Variants in ADAM2 observed in about 807,000 individuals in gnomAD.
The protein encoded by ADAM2 is disintegrin and metalloproteinase domain-containing protein 2.
Under a neutral mutation model 99.3 loss-of-function variants are expected in ADAM2, and 101 were observed. That is an observed-to-expected ratio of 1.02 (90% confidence interval 0.87 to 1.20). ADAM2 has a LOEUF of 1.20. Among genes scored for constraint, ADAM2 ranks in the 50% most tolerant of loss-of-function variants. The pLI, the probability that ADAM2 is intolerant of heterozygous loss-of-function variation, is 0.00. For synonymous variants in ADAM2, 323 were observed against 287.6 expected, an observed-to-expected ratio of 1.12 and a Z score of -1.25; for missense variants, 948 against 878.7, an observed-to-expected ratio of 1.08 and a Z score of -1.00.
chr8:39,759,564 A>G (rs1802274244), intron 15 of ADAM2, among the ~76,000 whole-genome samples: 1 of 152,204 alleles, frequency 6.6e-6, no homozygotes, highest in Non-Finnish European at 1.5e-5. Context: ...TTTATTTTCA[A>G]GATAAACACA....
At chr8:39,755,536 G>C (rs1411163051) in intron 16 of ADAM2, among the ~76,000 whole-genome samples, 192 bp downstream of exon 16, 1 of 152,060 alleles carries the variant, frequency 6.6e-6, no homozygotes, top group Non-Finnish European at 1.5e-5. Flanking sequence ...TTAGCCGGGT[G>C]TGGTGGTACC....
At chr8:39,749,526 T>C (rs1823623777) in intron 17 of ADAM2, 76 bp from the exon 18 acceptor site, 4 of 1,531,262 alleles carry the variant, frequency 2.6e-6, no homozygotes, top group Non-Finnish European at 3.6e-6. Context: ...TATAAAATAA[T>C]ATGTAGGTCA....
At chr8:39,767,624 T>C (rs1285641640) in intron 12 of ADAM2, among the ~76,000 whole-genome samples, 1 of 152,166 alleles carries the variant, frequency 6.6e-6, no homozygotes, top group African/African-American at 2.4e-5. Context: ...AGTGACTACT[T>C]CTTATTAGAG....
intron 7 of ADAM2, among the ~76,000 whole-genome samples, chr8:39,794,652 T>C (rs1380399149): frequency 1.3e-5 from 2 of 152,072 alleles, no homozygotes; most frequent in East Asian, 3.9e-4. Flanking sequence ...CCCTATCCTG[T>C]TTTGTTCTGA....
Position 39,761,228 on chromosome 8 carries a change from C to T in ADAM2, c.1561G>A (p.Val521Ile), listed in dbSNP as rs549004556. Reference sequence around the variant, plus strand: ...TCACTTATACCACAGTTTCCAGATACATCAGTCTTTGAATTAAGGTGAGAA... The same window carrying T: ...TCACTTATACCACAGTTTCCAGATATATCAGTCTTTGAATTAAGGTGAGAA... ...CYSHLNSKTD[V>I]SGNCGISDSG... The change falls in exon 15 of 21, where the codon GTA becomes ATA. Residue 521 changes from valine to isoleucine, a missense_variant. By Grantham distance (29) the Val-to-Ile change is conservative. Coordinates refer to ENST00000265708, the MANE Select transcript of ADAM2 (RefSeq NM_001464.5). 1.0e-5 allele frequency: 16 copies of T among 1,605,108 alleles called. No homozygotes were observed. In the South Asian group the frequency reaches 1.6e-4, roughly 16 times the overall value.
chr8:39,746,396 T>C, intron 19 of ADAM2, 76 bp downstream of exon 19: 1 of 970,734 alleles, frequency 1.0e-6, no homozygotes, highest in Non-Finnish European at 1.5e-6. Flanking sequence ...TTATTACTCA[T>C]TACATCGACC....
chr8:39,770,065 C>G (rs1363121504), intron 11 of ADAM2, among the ~76,000 whole-genome samples: 2 of 151,240 alleles, frequency 1.3e-5, no homozygotes, highest in African/African-American at 4.9e-5. Flanking sequence ...TCTGCCTCAG[C>G]CTCCCAAGTA....
intron 6 of ADAM2, among the ~76,000 whole-genome samples, chr8:39,814,231 C>T (rs2129587381): frequency 6.6e-6 from 1 of 152,146 alleles, no homozygotes; most frequent in Non-Finnish European, 1.5e-5. Context: ...TTGTGGCTCA[C>T]ACCTGTAATC....
chr8:39,810,209 G>A (rs539964936), intron 6 of ADAM2, among the ~76,000 whole-genome samples: 73 of 152,314 alleles, frequency 4.8e-4, no homozygotes, highest in African/African-American at 1.7e-3. Context: ...TAATGGTAAA[G>A]TGATCAATTC....
At chr8:39,744,546 A>G (rs1823368893) in intron 20 of ADAM2, among the ~76,000 whole-genome samples, 1 of 152,010 alleles carries the variant, frequency 6.6e-6, no homozygotes, top group South Asian at 2.1e-4. Context: ...ATAAAACCAA[A>G]CACCGCATGT....
chr8:39,837,965 G>C (rs1805906872), intron 1 of ADAM2, among the ~76,000 whole-genome samples, 166 bp downstream of exon 1: 1 of 152,012 alleles, frequency 6.6e-6, no homozygotes, highest in South Asian at 2.1e-4. Context: ...CTTATTCTAC[G>C]TGGATTTTGG....
Position 39,817,665 on chromosome 8 carries a change from A to T in ADAM2, c.513+3337T>A, listed in dbSNP as rs1238519135. ...TCATATGTGATTTAAAACGTTTAAA[A>T]ACTTAGTAATATGTGCTTTAAAAGA... On this transcript the variant is annotated intron_variant, in intron 6 of 20. Coordinates refer to ENST00000265708, the MANE Select transcript of ADAM2 (RefSeq NM_001464.5). Among the ~76,000 whole-genome samples the T allele has an allele frequency of 3.3e-5, 5 of 152,236 alleles. No homozygotes were observed. The East Asian group carries it at 9.6e-4, about 29-fold the overall frequency.
chr8:39,768,710 A>G (rs927804041), intron 12 of ADAM2, among the ~76,000 whole-genome samples: 4 of 152,216 alleles, frequency 2.6e-5, no homozygotes, highest in African/African-American at 9.6e-5. Context: ...CTAGGGAAGT[A>G]TATACTCAAG....
Position 39,802,282 on chromosome 8 carries a change from T to A in ADAM2, c.570+7128A>T, listed in dbSNP as rs1223870862. ...GGCTGCCACACCACACTGCTCTTCC[T>A]TCTTTCCGTGGGTCATGCCAGCCTT... On this transcript the variant is annotated intron_variant, in intron 7 of 20. Coordinates refer to ENST00000265708, the MANE Select transcript of ADAM2 (RefSeq NM_001464.5). 2.0e-5 allele frequency among the ~76,000 whole-genome samples: 3 copies of A among 152,294 alleles called. 1 individual carries two copies. The East Asian group carries it at 5.8e-4, about 29-fold the overall frequency.
chr8:39,837,020 T>G, intron 2 of ADAM2, 116 bp downstream of exon 2: 1 of 707,450 alleles, frequency 1.4e-6, no homozygotes, highest in Non-Finnish European at 2.2e-6. Flanking sequence ...CAGGGAAAAT[T>G]TGGTATAAAT....
chr8:39,778,889 C>T (rs977726111), intron 10 of ADAM2, among the ~76,000 whole-genome samples: 2 of 152,028 alleles, frequency 1.3e-5, no homozygotes, highest in African/African-American at 4.8e-5. Context: ...CTTACTGACC[C>T]ATAAATGCAT....
chr8:39,779,991 T>C (rs1054066826), intron 10 of ADAM2, among the ~76,000 whole-genome samples: 3 of 152,154 alleles, frequency 2.0e-5, no homozygotes, highest in African/African-American at 7.2e-5. Flanking sequence ...AAGAGTGTAT[T>C]AGTCTTCTCT....
chr8:39,828,116 T>C (rs1195693484), intron 3 of ADAM2, among the ~76,000 whole-genome samples: 1 of 151,968 alleles, frequency 6.6e-6, no homozygotes, highest in Non-Finnish European at 1.5e-5. Context: ...ATTTCTGAGA[T>C]ATATCAAAAT....
At chr8:39,796,373 G>T (rs532265134) in intron 7 of ADAM2, among the ~76,000 whole-genome samples, 3 of 152,028 alleles carry the variant, frequency 2.0e-5, no homozygotes, top group Non-Finnish European at 4.4e-5. Context: ...ACACAATCTC[G>T]TTCCTTTTTT....
Sources: allele counts gnomAD v4.1 joint callset (sites outside exome capture counted in the v4.1 genomes callset), GRCh38; gene constraint gnomAD v4.1.1; transcripts MANE v1.5; gene names NCBI Gene and HGNC (gene_info 2026-07-23, HGNC 2026-07-21).